Variants in LSAMP observed in about 807,000 individuals in gnomAD.
The protein encoded by LSAMP is limbic system associated membrane protein.
In LSAMP, 7 loss-of-function variants were observed where a neutral mutation model predicts 38.6. The ratio of observed to expected loss-of-function variants is 0.18; its 90% CI spans 0.10 to 0.34. The LOEUF (loss-of-function observed/expected upper bound fraction) is 0.34. LSAMP is among the 10% of genes least tolerant of loss of function. LSAMP has a pLI of 1.00. For missense variants in LSAMP, 313 were observed against 420.0 expected, an observed-to-expected ratio of 0.75 and a Z score of 2.23; for synonymous variants, 154 against 166.8, an observed-to-expected ratio of 0.92 and a Z score of 0.59.
At chr3:116,395,079 A>G (rs2048751252) in intron 1 of LSAMP, among the ~76,000 whole-genome samples, 1 of 151,866 alleles carries the variant, frequency 6.6e-6, no homozygotes, top group South Asian at 2.1e-4. Flanking sequence ...TTCTTCTATC[A>G]TTCTATTTGG....
intron 1 of LSAMP, among the ~76,000 whole-genome samples, chr3:116,294,369 A>G (rs1327025865): frequency 6.6e-6 from 1 of 152,220 alleles, no homozygotes; most frequent in African/African-American, 2.4e-5. Context: ...GAGTCTTACT[A>G]CAGTTTACTA....
chr3:116,352,097 G>A (rs982246501), intron 1 of LSAMP, among the ~76,000 whole-genome samples: 1 of 152,030 alleles, frequency 6.6e-6, no homozygotes, highest in East Asian at 1.9e-4. Flanking sequence ...AGTGGAAGGA[G>A]ACACCAACTC....
chr3:115,993,082 AT>A lies in LSAMP; in HGVS notation c.514+26432del, dbSNP rs1359619361. Reference sequence around the variant, plus strand: ...GTAGTTTTTACTCTGTAAGCTAGGAATACATTTATATTTCTCCTACATACTC... The same window carrying A: ...GTAGTTTTTACTCTGTAAGCTAGGAAACATTTATATTTCTCCTACATACTC... On this transcript the variant is annotated intron_variant, in intron 3 of 6. Coordinates refer to ENST00000490035, the MANE Select transcript of LSAMP (RefSeq NM_002338.5). 8.9e-4 allele frequency among the ~76,000 whole-genome samples: 136 copies of A among 152,286 alleles called. 2 individuals carry two copies.
intron 1 of LSAMP, among the ~76,000 whole-genome samples, chr3:116,246,120 G>C (rs559685846): frequency 6.6e-6 from 1 of 152,284 alleles, no homozygotes; most frequent in South Asian, 2.1e-4. Flanking sequence ...TTAATGAGTA[G>C]TAGAACCTTA....
At chr3:116,004,482 A>G (rs1940095006) in intron 3 of LSAMP, among the ~76,000 whole-genome samples, 1 of 149,836 alleles carries the variant, frequency 6.7e-6, no homozygotes, top group South Asian at 2.1e-4. Context: ...ACTATTATGC[A>G]TACATACATG....
chr3:116,369,370 G>C (rs75130121), intron 1 of LSAMP, among the ~76,000 whole-genome samples: 3,952 of 152,262 alleles, frequency 0.026, 164 homozygotes, highest in African/African-American at 0.087. Context: ...AACGATAGAA[G>C]TATTCCTTCC....
intron 1 of LSAMP, among the ~76,000 whole-genome samples, chr3:116,197,399 T>A (rs1035158236): frequency 6.6e-5 from 10 of 152,162 alleles, no homozygotes; most frequent in African/African-American, 9.7e-5. Context: ...TCTTTTTTTT[T>A]AAACTATAGT....
At chr3:115,890,954 A>G (rs1215849335) in intron 3 of LSAMP, among the ~76,000 whole-genome samples, 1 of 151,882 alleles carries the variant, frequency 6.6e-6, no homozygotes, top group Non-Finnish European at 1.5e-5. Context: ...GACATTTTCC[A>G]TGTGTGCCCT....
intron 3 of LSAMP, among the ~76,000 whole-genome samples, chr3:116,015,723 T>G (rs1041479910): frequency 1.3e-5 from 2 of 151,958 alleles, no homozygotes; most frequent in African/African-American, 2.4e-5. Context: ...AAAAGGAAAT[T>G]TCAGATGCAA....
chr3:116,222,858 C>G (rs1432080050), intron 1 of LSAMP, among the ~76,000 whole-genome samples: 1 of 149,618 alleles, frequency 6.7e-6, no homozygotes, highest in African/African-American at 2.5e-5. Context: ...GCCTCAGCCT[C>G]CCGAGTAGCT....
chr3:116,249,238 T>C (rs1022854245), intron 1 of LSAMP, among the ~76,000 whole-genome samples: 2 of 151,724 alleles, frequency 1.3e-5, no homozygotes, highest in African/African-American at 4.8e-5. Context: ...GTGTCCAAAA[T>C]AATATCCCCT....
intron 3 of LSAMP, among the ~76,000 whole-genome samples, chr3:115,866,933 T>A (rs1214867561): frequency 6.6e-6 from 1 of 152,012 alleles, no homozygotes; most frequent in Admixed American, 6.6e-5. Flanking sequence ...TTTCACAGCC[T>A]GCAGGCAAGC....
chr3:116,255,267 G>A (rs1406309775), intron 1 of LSAMP, among the ~76,000 whole-genome samples: 1 of 152,116 alleles, frequency 6.6e-6, no homozygotes, highest in East Asian at 1.9e-4. Context: ...AATTCCAAAA[G>A]GGCAGTTATA....
chr3:116,177,327 A>C (rs1417631856), intron 1 of LSAMP, among the ~76,000 whole-genome samples: 1 of 152,130 alleles, frequency 6.6e-6, no homozygotes, highest in African/African-American at 2.4e-5. Flanking sequence ...TAAGTGACAC[A>C]GGAAACTAGT....
intron 2 of LSAMP, among the ~76,000 whole-genome samples, chr3:116,037,633 A>G (rs758088886): frequency 2.0e-5 from 3 of 152,112 alleles, no homozygotes; most frequent in Non-Finnish European, 4.4e-5. Context: ...ATTTTCTTTT[A>G]TGTAATCTTC....
chr3:116,076,875 T>C (rs1186340200), intron 2 of LSAMP, among the ~76,000 whole-genome samples: 5 of 152,244 alleles, frequency 3.3e-5, no homozygotes, highest in South Asian at 2.1e-4. Flanking sequence ...TTATTTAATT[T>C]ATTCTTAAAT....
intron 1 of LSAMP, among the ~76,000 whole-genome samples, chr3:116,132,006 T>G (rs1372786771): frequency 1.3e-5 from 2 of 151,926 alleles, no homozygotes; most frequent in Admixed American, 1.3e-4. Flanking sequence ...TTTTGTATTT[T>G]TAGTAGAGAC....
At chr3:116,018,043 G>A (rs533902392) in intron 3 of LSAMP, among the ~76,000 whole-genome samples, 1 of 152,162 alleles carries the variant, frequency 6.6e-6, no homozygotes, top group South Asian at 2.1e-4. Flanking sequence ...GTTCATACTC[G>A]AGACAATCCT....
At chr3:116,078,585 C>T (rs1707803006) in intron 2 of LSAMP, among the ~76,000 whole-genome samples, 1 of 152,196 alleles carries the variant, frequency 6.6e-6, no homozygotes, top group Non-Finnish European at 1.5e-5. Flanking sequence ...CTCGGCCTCC[C>T]AGAGTGCTGG....
Sources: allele counts gnomAD v4.1 joint callset (sites outside exome capture counted in the v4.1 genomes callset), GRCh38; gene constraint gnomAD v4.1.1; transcripts MANE v1.5; gene names NCBI Gene and HGNC (gene_info 2026-07-23, HGNC 2026-07-21).